Variants in PCDHGB4 observed in about 807,000 individuals in gnomAD.
The protein encoded by PCDHGB4 is protocadherin gamma-B4.
A neutral mutation model predicts 60.5 loss-of-function variants in PCDHGB4; 38 were observed. The observed-to-expected ratio is 0.63, with a 90% CI of 0.48 to 0.82. PCDHGB4 has a LOEUF of 0.82. PCDHGB4 is among the 40% of genes least tolerant of loss of function. The probability of loss-of-function intolerance (pLI) is 0.00; values close to 1 mark genes in which losing one functional copy is unlikely to be tolerated. For missense variants in PCDHGB4, 1,109 were observed against 1,209.6 expected (o/e 0.92, Z 1.23); for synonymous variants, 456 against 509.7 (o/e 0.89, Z 1.42).
At chr5:141,478,788 T>A (rs576491824) in intron 1 of PCDHGB4, 147 of 1,473,736 alleles carry the variant, frequency 1.0e-4, no homozygotes, top group Non-Finnish European at 1.3e-4. Context: ...CTAATTCACA[T>A]CCTCAGCACT....
chr5:141,410,174 G>A (rs1369332920), intron 1 of PCDHGB4: 4 of 1,613,588 alleles, frequency 2.5e-6, no homozygotes, highest in East Asian at 2.2e-5. Flanking sequence ...CTCTGCCACC[G>A]CCACGCTTCA....
intron 1 of PCDHGB4, chr5:141,421,947 C>T: frequency 6.2e-7 from 1 of 1,613,118 alleles, no homozygotes; most frequent in African/African-American, 1.3e-5. Context: ...ATGATCACAT[C>T]CCAATGTTTA....
At position 141,404,162 on chromosome 5, in the gene PCDHGB4, T is replaced by C. The variant is rs768188662; in HGVS notation, c.2397+13881T>C. The C allele has an allele frequency of 2.0e-5, 33 of 1,613,076 alleles. No homozygotes were observed. In the East Asian group the frequency reaches 7.4e-4, roughly 36 times the overall value. ...AAATTCAGAAGAAGATTATTACAGA[T>C]TGTTGACGGCCCAAATTCTTGACCG... On this transcript the variant is annotated intron_variant, in intron 1 of 3. Transcript: ENST00000519479.
chr5:141,400,793 C>T, intron 1 of PCDHGB4: 2 of 561,880 alleles, frequency 3.6e-6, no homozygotes, highest in Admixed American at 3.5e-5. Context: ...TGTCCTCTTT[C>T]TCAAAGCTAA....
intron 1 of PCDHGB4, chr5:141,415,030 G>A (rs374572942): frequency 1.2e-6 from 2 of 1,613,460 alleles, no homozygotes; most frequent in African/African-American, 2.7e-5. Flanking sequence ...CAGCGAGCCG[G>A]GACTCTTCGC....
intron 1 of PCDHGB4, chr5:141,423,505 C>G: frequency 6.2e-7 from 1 of 1,613,932 alleles, no homozygotes; most frequent in Non-Finnish European, 8.5e-7. Context: ...CGAGGTCTCT[C>G]TCATTGCGGA....
At chr5:141,445,751 G>A (rs1211416281) in intron 1 of PCDHGB4, among the ~76,000 whole-genome samples, 1 of 152,102 alleles carries the variant, frequency 6.6e-6, no homozygotes, top group East Asian at 1.9e-4. Context: ...AAAAATAAAA[G>A]GTGTGACTCA....
At chr5:141,395,347 C>T in intron 1 of PCDHGB4, 1 of 1,392,780 alleles carries the variant, frequency 7.2e-7, no homozygotes, top group Non-Finnish European at 9.5e-7. Flanking sequence ...TAAGGTGTAT[C>T]ACAGAGTTTT....
intron 1 of PCDHGB4, chr5:141,393,882 T>G (rs1471060639): frequency 6.2e-7 from 1 of 1,614,028 alleles, no homozygotes; most frequent in South Asian, 1.1e-5. Flanking sequence ...TAGCCCAGTG[T>G]TAGAAAATTC....
intron 1 of PCDHGB4, chr5:141,414,628 A>T (rs1471507988): frequency 4.3e-6 from 7 of 1,613,900 alleles, no homozygotes; most frequent in Non-Finnish European, 5.9e-6. Flanking sequence ...GGACCCGGAC[A>T]GCAAAGAGAA....
chr5:141,420,111 C>T (rs747723647), intron 1 of PCDHGB4: 1 of 1,613,966 alleles, frequency 6.2e-7, no homozygotes, highest in African/African-American at 1.3e-5. Flanking sequence ...TTGCCCTATG[C>T]CTATAATTTT....
chr5:141,505,602 A>G lies in PCDHGB4; in HGVS notation c.2545+121A>G, dbSNP rs1041288927. 4.6e-5 allele frequency: 71 copies of G among 1,534,990 alleles called. 1 individual carries two copies. In the Admixed American group the frequency reaches 1.4e-3, roughly 30 times the overall value. On this transcript the variant is annotated intron_variant, in intron 3 of 3. Coordinates refer to ENST00000519479, the MANE Select transcript of PCDHGB4 (RefSeq NM_003736.4). ...GTGTAGTTTCTCCAGATCTTTCGGC[A>G]GGTCTGAAAGGACCCACAATTCCAA...
rs2099698809 is a variant in PCDHGB4 at position 141,490,343 on chromosome 5, T to C, written c.2398-4464T>C. On this transcript the variant is annotated intron_variant, in intron 1 of 3. Transcript: ENST00000519479. This position sits in a 1 kb window ranked among gnomAD's most constrained non-coding sequence, Gnocchi z 5.4. ...CTAGAGAGCACACCAGTGGGCACAG[T>C]AGTGGGGTTGTTTAATGTGCGAGAC... The C allele has an allele frequency of 6.2e-7, 1 of 1,614,018 alleles. No individual in the cohort carries two copies. Among genetic ancestry groups the C allele is most frequent in the Admixed American group, 1.7e-5 (1 of 60,006 alleles).
chr5:141,507,206 G>A (rs1392293998), intron 3 of PCDHGB4: 2 of 152,376 alleles, frequency 1.3e-5, no homozygotes, highest in African/African-American at 4.8e-5. Flanking sequence ...CCAGATCAGG[G>A]TTGCCAGATA....
chr5:141,421,679 C>A, intron 1 of PCDHGB4: 1 of 1,613,810 alleles, frequency 6.2e-7, no homozygotes, highest in East Asian at 2.2e-5. Flanking sequence ...ATTCCTGGGG[C>A]GCGATTTGCT....
intron 1 of PCDHGB4, chr5:141,402,801 G>T (rs1218765657): frequency 1.2e-5 from 13 of 1,078,506 alleles, no homozygotes; most frequent in Non-Finnish European, 1.7e-5. Context: ...CACAAAACCC[G>T]GCAGATACCA....
chr5:141,418,776 C>G (rs763308217), intron 1 of PCDHGB4: 1 of 1,613,806 alleles, frequency 6.2e-7, no homozygotes, highest in East Asian at 2.2e-5. Flanking sequence ...ACTCAGCAGC[C>G]TTTGGATTTT....
At chr5:141,509,094 T>C (rs1038935185) in intron 3 of PCDHGB4, among the ~76,000 whole-genome samples, 4 of 152,152 alleles carry the variant, frequency 2.6e-5, no homozygotes, top group African/African-American at 9.7e-5. Context: ...AAATGGGGGC[T>C]GTAGAAACCT....
At position 141,422,424 on chromosome 5, in the gene PCDHGB4, T is replaced by C. The variant is rs1182660567; in HGVS notation, c.2397+32143T>C. The C allele has an allele frequency of 2.5e-6, 4 of 1,608,076 alleles. No homozygotes were observed. The East Asian group carries it at 6.7e-5, about 27-fold the overall frequency. On this transcript the variant is annotated intron_variant, in intron 1 of 3. Transcript: ENST00000519479. ...TGCCTTTTAAATTAGAAAAGACTTA[T>C]GGAAATTATTACAAATTGATAACAA...
Sources: gnomAD v4.1 joint callset for allele counts (sites outside exome capture counted in the v4.1 genomes callset) on GRCh38, gnomAD v4.1.1 for gene constraint, Gnocchi (gnomAD v3.1) non-coding constraint, MANE v1.5 for transcripts, NCBI Gene and HGNC (gene_info 2026-07-23, HGNC 2026-07-21) for gene names.